AUTS2: variants seen among roughly 807,000 people sequenced by gnomAD.
The protein encoded by AUTS2 is autism susceptibility gene 2 protein.
AUTS2 carries 17 observed loss-of-function variants against 112.4 expected under a neutral mutation model. That is an observed-to-expected ratio of 0.15 (90% CI 0.10 to 0.23). The LOEUF is 0.23. Ranked by LOEUF, AUTS2 falls within the 10% of genes least tolerant of loss-of-function variation. AUTS2 has a pLI of 1.00. For missense variants in AUTS2, 1,510 were observed against 1,701.6 expected (o/e 0.89, Z 1.98); for synonymous variants, 751 against 702.7 (o/e 1.07, Z -1.09).
intron 4 of AUTS2, among the ~76,000 whole-genome samples, chr7:70,149,487 CT>C (rs146019971): frequency 1.2e-3 from 184 of 152,078 alleles, no homozygotes; most frequent in African/African-American, 4.2e-3. Flanking sequence ...CATAAAAAAA[CT>C]GGGGGATAGT....
intron 1 of AUTS2, among the ~76,000 whole-genome samples, chr7:69,753,520 C>T (rs1286113343): frequency 6.6e-6 from 1 of 152,126 alleles, no homozygotes; most frequent in Non-Finnish European, 1.5e-5. Flanking sequence ...GGCTCTGCCC[C>T]TTTGGCTATG....
intron 6 of AUTS2, among the ~76,000 whole-genome samples, chr7:70,729,985 T>A (rs1306551197): frequency 6.6e-6 from 1 of 152,126 alleles, no homozygotes; most frequent in African/African-American, 2.4e-5. Context: ...CGGGTTGAAG[T>A]GATTCTCTTG....
rs193118515 is a variant in AUTS2 at position 70,079,595 on chromosome 7, G to A, written c.523-38537G>A. On this transcript the variant is annotated intron_variant, in intron 2 of 18. Transcript: ENST00000342771. ...TTCAAAATTCATCACTTCCTTATTA[G>A]CTGCTACATTTTACTAATATCCATG... is the stretch of plus-strand genomic sequence containing the variant. Among the ~76,000 whole-genome samples the A allele has an allele frequency of 1.5e-4, 23 of 152,020 alleles. No homozygotes were observed. The East Asian group carries it at 3.7e-3, about 24-fold the overall frequency.
chr7:70,604,289 G>A (rs1803619520), intron 5 of AUTS2, among the ~76,000 whole-genome samples: 1 of 152,248 alleles, frequency 6.6e-6, no homozygotes, highest in African/African-American at 2.4e-5. Flanking sequence ...GATGGGCTGG[G>A]GTGGGCCGAG....
chr7:70,237,134 T>C (rs926967060), intron 4 of AUTS2, among the ~76,000 whole-genome samples: 1 of 152,198 alleles, frequency 6.6e-6, no homozygotes, highest in African/African-American at 2.4e-5. Flanking sequence ...CAGGGGACTT[T>C]CTTGTTCACT....
intron 1 of AUTS2, among the ~76,000 whole-genome samples, chr7:69,630,052 C>G (rs912846855): frequency 6.6e-6 from 1 of 151,836 alleles, no homozygotes; most frequent in Admixed American, 6.6e-5. Flanking sequence ...GTCAGGAGTT[C>G]GAGACCAGCC....
intron 5 of AUTS2, among the ~76,000 whole-genome samples, chr7:70,551,039 A>G (rs1406507105): frequency 1.3e-5 from 2 of 152,192 alleles, no homozygotes; most frequent in East Asian, 1.9e-4. Context: ...GGGCACATCA[A>G]AGAAACACAG....
chr7:70,041,362 G>A (rs1005932078), intron 2 of AUTS2, among the ~76,000 whole-genome samples: 1 of 152,082 alleles, frequency 6.6e-6, no homozygotes, highest in African/African-American at 2.4e-5. Flanking sequence ...TGAACTAGTG[G>A]AATATAGACT....
At chr7:69,937,909 C>T (rs1375579609) in intron 2 of AUTS2, among the ~76,000 whole-genome samples, 1 of 152,052 alleles carries the variant, frequency 6.6e-6, no homozygotes, top group Non-Finnish European at 1.5e-5. Flanking sequence ...TGGGATGTGG[C>T]AAGGAGAGGC....
intron 5 of AUTS2, among the ~76,000 whole-genome samples, chr7:70,659,190 G>A (rs906680032): frequency 2.0e-5 from 3 of 152,206 alleles, no homozygotes; most frequent in Admixed American, 2.0e-4. Context: ...CATGGACAGT[G>A]AGGTTCGGCA....
chr7:70,724,443 C>CTTTTTT lies in AUTS2; in HGVS notation c.742+25838_742+25843dup, dbSNP rs71077675. ...AAGAATGATTTTATTTTCATCCTGACTTTTTTTTTTTTTTTTTTTTGAGAC... is the reference window on the plus strand; with the variant it reads ...AAGAATGATTTTATTTTCATCCTGACTTTTTTTTTTTTTTTTTTTTTTTTTTGAGAC... On this transcript the variant is annotated intron_variant, in intron 6 of 18. Transcript: ENST00000342771. Among the ~76,000 whole-genome samples, 7 of 101,376 alleles carry CTTTTTT rather than the reference C, an allele frequency of 6.9e-5. 1 individual carries two copies. The highest frequency in any genetic ancestry group is 4.0e-4 in the East Asian group (1 of 2,518). 66.5% of individuals were successfully genotyped at this position (101,376 alleles called of 152,430 possible).
intron 11 of AUTS2, among the ~76,000 whole-genome samples, chr7:70,773,323 A>G (rs187814475): frequency 3.5e-4 from 53 of 152,282 alleles, no homozygotes; most frequent in Admixed American, 3.5e-3. Context: ...CCCACTAGAA[A>G]TAGTGATTGT....
At chr7:69,781,917 C>A (rs1032570158) in intron 1 of AUTS2, among the ~76,000 whole-genome samples, 2 of 152,184 alleles carry the variant, frequency 1.3e-5, no homozygotes, top group Admixed American at 1.3e-4. Flanking sequence ...CATGGGCTCT[C>A]TAGCAGAAAG....
intron 5 of AUTS2, among the ~76,000 whole-genome samples, chr7:70,682,861 G>A (rs1808279660): frequency 6.6e-6 from 1 of 152,252 alleles, no homozygotes; most frequent in African/African-American, 2.4e-5. Flanking sequence ...TGTTGGCTGG[G>A]AACTCAGCTA....
At chr7:70,586,133 G>A (rs1802677949) in intron 5 of AUTS2, among the ~76,000 whole-genome samples, 1 of 152,098 alleles carries the variant, frequency 6.6e-6, no homozygotes, top group Non-Finnish European at 1.5e-5. Context: ...AAAGTGCTGG[G>A]ATTACAGGCA....
intron 5 of AUTS2, among the ~76,000 whole-genome samples, chr7:70,520,846 C>T (rs1179905386): frequency 1.3e-5 from 2 of 152,184 alleles, no homozygotes; most frequent in East Asian, 3.9e-4. Flanking sequence ...GGATCTTCAA[C>T]AATTCTTTCC....
chr7:70,745,509 T>A (rs1788395974), intron 6 of AUTS2, among the ~76,000 whole-genome samples: 1 of 152,196 alleles, frequency 6.6e-6, no homozygotes, highest in Non-Finnish European at 1.5e-5. Context: ...TCATAACAAT[T>A]CCCAGGGTAG....
intron 1 of AUTS2, among the ~76,000 whole-genome samples, chr7:69,876,480 T>G (rs1391318702): frequency 1.7e-5 from 1 of 60,500 alleles, no homozygotes; most frequent in Non-Finnish European, 3.0e-5. Context: ...ATAAAATATT[T>G]TGTGTATATA....
chr7:70,156,831 C>T (rs1484750901), intron 4 of AUTS2, among the ~76,000 whole-genome samples: 2 of 134,338 alleles, frequency 1.5e-5, no homozygotes, highest in Admixed American at 8.9e-5. Context: ...AGGTGGATCA[C>T]GAGGTCAGGA....
Sources: allele counts gnomAD v4.1 joint callset (sites outside exome capture counted in the v4.1 genomes callset), GRCh38; gene constraint gnomAD v4.1.1; transcripts MANE v1.5; gene names NCBI Gene and HGNC (gene_info 2026-07-23, HGNC 2026-07-21).